The following TRPA1 variants were observed in gnomAD, a reference collection of about 807,000 sequenced individuals.
TRPA1 encodes the protein ankyrin-like with transmembrane domains 1.
In TRPA1, 129 loss-of-function variants were observed where a neutral mutation model predicts 131.3. The observed-to-expected ratio is 0.98, with a 90% CI of 0.85 to 1.14. TRPA1 has a LOEUF of 1.14. Ranked by LOEUF, TRPA1 falls within the 50% of genes most tolerant of loss-of-function variation. The pLI, the probability that TRPA1 is intolerant of heterozygous loss-of-function variation, is 0.00. For synonymous variants in TRPA1, 441 were observed against 451.7 expected (o/e 0.98, Z 0.30); for missense variants, 1,304 against 1,354.2 (o/e 0.96, Z 0.58).
Position 72,022,645 on chromosome 8 carries a change from C to T in TRPA1, c.*261G>A. On this transcript the variant is annotated 3_prime_UTR_variant, in exon 27 of 27. Transcript: ENST00000262209. ...GTGTTCTAGCAAATTCATTTTCTACCCATTCAAATAATGAGATTATATCTC... is the reference window on the plus strand; with the variant it reads ...GTGTTCTAGCAAATTCATTTTCTACTCATTCAAATAATGAGATTATATCTC... 23 of 523,226 alleles carry T rather than the reference C, an allele frequency of 4.4e-5. No homozygotes were observed. The highest frequency in any genetic ancestry group is 1.1e-4 in the South Asian group (5 of 44,764). 32.4% of individuals were successfully genotyped at this position (523,226 alleles called of 1,614,324 possible).
chr8:72,073,708 C>G (rs1425717199), intron 1 of TRPA1, among the ~76,000 whole-genome samples: 1 of 152,210 alleles, frequency 6.6e-6, no homozygotes, highest in Non-Finnish European at 1.5e-5. Flanking sequence ...TTGAGACTCG[C>G]TGCTAAGAAA....
At chr8:72,032,425 A>G (rs1017484745) in intron 23 of TRPA1, among the ~76,000 whole-genome samples, 2 of 152,212 alleles carry the variant, frequency 1.3e-5, no homozygotes, top group Admixed American at 1.3e-4. Context: ...AGAACTGAGG[A>G]AAAACGTGGG....
At chr8:72,069,583 T>C (rs763972345) in intron 2 of TRPA1, among the ~76,000 whole-genome samples, 1 of 152,106 alleles carries the variant, frequency 6.6e-6, no homozygotes, top group Non-Finnish European at 1.5e-5. Context: ...AAGCCTCCAA[T>C]AGCCTGCAAA....
In TRPA1 at chr8:72,062,884, G is replaced by C. The variant is rs764601194; in HGVS notation, c.722C>G (p.Thr241Ser). The change falls in exon 6 of 27, where the codon ACC (threonine) becomes AGC (serine). Residue 241 changes from threonine to serine, a missense_variant. Coordinates refer to ENST00000262209, the MANE Select transcript of TRPA1 (RefSeq NM_007332.3). ...ATTTTGCACAGCCAGGTGGAGAGGG[G>C]TGGCTTTCCCATTATTCATAAAGTT... ...HINFMNNGKA[T>S]PLHLAVQNGD... 9.3e-6 allele frequency: 15 copies of C among 1,613,814 alleles called. No homozygotes were observed. In the East Asian group the frequency reaches 2.5e-4, roughly 26 times the overall value.
intron 3 of TRPA1, among the ~76,000 whole-genome samples, chr8:72,066,008 G>C (rs1805923867): frequency 1.3e-5 from 2 of 152,106 alleles, no homozygotes; most frequent in African/African-American, 4.8e-5. Flanking sequence ...AGAAAAAGCA[G>C]GAAGGGATTT....
In TRPA1 at chr8:72,034,508, A is replaced by C. The variant is rs528459711; in HGVS notation, c.2556-131T>G. On this transcript the variant is annotated intron_variant, in intron 21 of 26. Coordinates refer to ENST00000262209, the MANE Select transcript of TRPA1 (RefSeq NM_007332.3). Reference sequence around the variant, plus strand: ...GAGATCACTGAGGCCAGTTATTTTGAAAAAGAAAACATAAGAATTAATTGA... The same window carrying C: ...GAGATCACTGAGGCCAGTTATTTTGCAAAAGAAAACATAAGAATTAATTGA... 5 of 544,534 alleles carry C rather than the reference A, an allele frequency of 9.2e-6. No individual in the cohort carries two copies. The South Asian group carries it at 1.5e-4, about 16-fold the overall frequency. The allele number at this position is 544,534 out of a possible 1,614,324, so 33.7% of individuals were successfully genotyped here. A position where few individuals can be genotyped will look rare whatever the true frequency, so the allele number is the denominator to read the frequency against.
intron 1 of TRPA1, among the ~76,000 whole-genome samples, chr8:72,074,898 T>C (rs1457275967): frequency 1.3e-5 from 2 of 152,160 alleles, no homozygotes; most frequent in Non-Finnish European, 2.9e-5. Flanking sequence ...AACTCTTAAA[T>C]AGTTATCCAA....
Position 72,033,722 on chromosome 8 carries a change from T to C in TRPA1, c.2790A>G (p.Glu930=). 6.2e-7 allele frequency: 1 copy of C among 1,614,116 alleles called. No individual in the cohort carries two copies. Among genetic ancestry groups the C allele is most frequent in the Non-Finnish European group, 8.5e-7 (1 of 1,179,982 alleles). The part of the protein sequence containing the change: ...ESFLEPYLRN[E]LAHPVLSFAQ... ...CAAAGGACAGAACTGGATGTGCCAA[T>C]TCATTTCTCAGATATGGTTCTAGGA... Residue 930 remains glutamate, a synonymous_variant, in exon 23 of 27, where the codon GAA becomes GAG. Transcript: ENST00000262209.
chr8:72,087,768 A>C, the TRPA1 span, among the ~76,000 whole-genome samples: 2 of 151,864 alleles, frequency 1.3e-5, no homozygotes, highest in Non-Finnish European at 2.9e-5. Context: ...TGTCCTATTA[A>C]CCTCATTTTC....
At chr8:72,055,956 T>C in intron 10 of TRPA1, 101 bp from the exon 11 acceptor site, 2 of 1,181,810 alleles carry the variant, frequency 1.7e-6, no homozygotes, top group South Asian at 1.3e-5. Context: ...CAAGGGTCAA[T>C]ATGTATTCCT....
rs1280898807 is a variant in TRPA1 at position 72,046,503 on chromosome 8, T to C, written c.2061+10A>G. The stretch of plus-strand genomic sequence containing the variant: ...AGAAACTATTTAGATAATGAAAACA[T>C]TGAACTTACGTTGAGGGCTGTAAGC... On this transcript the variant is annotated intron_variant, in intron 17 of 26. Coordinates refer to ENST00000262209, the MANE Select transcript of TRPA1 (RefSeq NM_007332.3). 6 of 1,510,610 alleles carry C rather than the reference T, an allele frequency of 4.0e-6. No individual in the cohort carries two copies. In the East Asian group the frequency reaches 6.8e-5, roughly 17 times the overall value. 93.6% of individuals were successfully genotyped at this position (1,510,610 alleles called of 1,614,324 possible).
rs1244058461 is a variant in TRPA1 at position 72,055,508 on chromosome 8, A to T, written c.1457T>A (p.Leu486His). The T allele has an allele frequency of 4.3e-6, 7 of 1,613,454 alleles. No individual in the cohort carries two copies. Among genetic ancestry groups the T allele is most frequent in the Non-Finnish European group, 5.9e-6 (7 of 1,179,514 alleles). ...ATGTCCATTCTTTGCTGCCAGATGG[A>T]GAGGAGTCATTCCATGAAGGTCACC... ...NEGDLHGMTPLHLAAKNGHDK... is the reference protein window; with the variant it reads ...NEGDLHGMTPHHLAAKNGHDK... Residue 486 changes from leucine (L) to histidine (H), a missense_variant, in exon 12 of 27, where the codon CTC (leucine) becomes CAC (histidine). Coordinates refer to ENST00000262209, the MANE Select transcript of TRPA1 (RefSeq NM_007332.3).
intron 23 of TRPA1, among the ~76,000 whole-genome samples, chr8:72,032,862 A>G (rs943175995): frequency 1.3e-5 from 2 of 152,198 alleles, no homozygotes; most frequent in African/African-American, 4.8e-5. Flanking sequence ...TCTCTGGTAC[A>G]TAGTCAGACT....
rs1402828026 is a variant in TRPA1 at position 72,066,803 on chromosome 8, T to TCAGTTATATGTGG, written c.445-1258_445-1246dup. On this transcript the variant is annotated intron_variant, in intron 3 of 26. Transcript: ENST00000262209. ...ATAGATCATAAAGGTATAGCTGTGT[T>TCAGTTATATGTGG]CAGTTATATGTGGCAGGGATCCCAG... Among the ~76,000 whole-genome samples, 3 of 152,308 alleles carry TCAGTTATATGTGG rather than the reference T, an allele frequency of 2.0e-5. No individual in the cohort carries two copies. In the East Asian group the frequency reaches 5.8e-4, roughly 29 times the overall value.
At chr8:72,039,169 A>C in intron 18 of TRPA1, 142 bp from the exon 19 acceptor site, 1 of 823,860 alleles carries the variant, frequency 1.2e-6, no homozygotes, top group Non-Finnish European at 2.0e-6. Flanking sequence ...TAAATCTTCT[A>C]ATTCACCTTT....
intron 1 of TRPA1, among the ~76,000 whole-genome samples, chr8:72,072,862 A>T (rs1806096453): frequency 1.3e-5 from 2 of 152,228 alleles, no homozygotes; most frequent in African/African-American, 4.8e-5. Context: ...TCAGATGCTC[A>T]CAAGGCACTA....
the TRPA1 span, among the ~76,000 whole-genome samples, chr8:72,081,168 ATACT>A: frequency 2.6e-5 from 4 of 151,880 alleles, no homozygotes; most frequent in African/African-American, 4.8e-5. Context: ...AAGATACAAA[ATACT>A]TACTCAACTT....
At chr8:72,037,848 T>C in intron 20 of TRPA1, 135 bp downstream of exon 20, 1 of 647,902 alleles carries the variant, frequency 1.5e-6, no homozygotes, top group African/African-American at 1.8e-5. Flanking sequence ...TTATGCTTGG[T>C]GTTTCTAATC....
At chr8:72,088,366 C>CTTTTTTTTTTTTTTTTTTTT in the TRPA1 span, among the ~76,000 whole-genome samples, 7 of 81,214 alleles carry the variant, frequency 8.6e-5, no homozygotes, top group Middle Eastern at 9.8e-3. Context: ...TCTTTGAAAA[C>CTTTTTTTTTTTTTTTTTTTT]TTTTTTTTTT....
Sources: allele counts gnomAD v4.1 joint callset (sites outside exome capture counted in the v4.1 genomes callset), GRCh38; gene constraint gnomAD v4.1.1; transcripts MANE v1.5; gene names NCBI Gene and HGNC (gene_info 2026-07-23, HGNC 2026-07-21).